The following ZNF420 variants were observed in gnomAD, a reference collection of about 807,000 sequenced individuals.
ZNF420 encodes the protein ATM and p53-associated KZNF protein.
ZNF420 carries 31 observed loss-of-function variants against 44.7 expected under a neutral mutation model. The observed-to-expected ratio is 0.69, with a 90% CI of 0.52 to 0.94. ZNF420 has a LOEUF of 0.94. Ranked by LOEUF, ZNF420 falls within the 40% of genes least tolerant of loss-of-function variation. The pLI, the probability that ZNF420 is intolerant of heterozygous loss-of-function variation, is 0.00. For synonymous variants in ZNF420, 245 were observed against 267.4 expected, an observed-to-expected ratio of 0.92 and a Z score of 0.82; for missense variants, 681 against 827.9, an observed-to-expected ratio of 0.82 and a Z score of 2.18.
intron 4 of ZNF420, among the ~76,000 whole-genome samples, chr19:37,123,752 G>A (rs2145322720): frequency 6.6e-6 from 1 of 150,996 alleles, no homozygotes; most frequent in Admixed American, 6.6e-5. Context: ...ACAGGCGTGT[G>A]CCACCATGCC....
At chr19:37,010,050 A>G (rs703531) in intron 1 of ZNF420, among the ~76,000 whole-genome samples, 85,199 of 152,092 alleles carry the variant, frequency 0.56, 25,416 homozygotes, top group African/African-American at 0.76. Context: ...GGAGCAGAGC[A>G]CGAGTCGGCC....
At chr19:37,089,639 C>T (rs1969023963) in intron 3 of ZNF420, among the ~76,000 whole-genome samples, 1 of 152,176 alleles carries the variant, frequency 6.6e-6, no homozygotes, top group Non-Finnish European at 1.5e-5. Context: ...TGAAATTCGA[C>T]ATTATGTGCT....
At chr19:37,022,033 G>A (rs1011001139) in intron 1 of ZNF420, among the ~76,000 whole-genome samples, 3 of 150,790 alleles carry the variant, frequency 2.0e-5, no homozygotes, top group Admixed American at 6.6e-5. Flanking sequence ...TTCAATTTTG[G>A]AATAGGAAAT....
chr19:37,049,235 A>G (rs1362892462), intron 1 of ZNF420, among the ~76,000 whole-genome samples: 1 of 152,164 alleles, frequency 6.6e-6, no homozygotes, highest in Admixed American at 6.6e-5. Flanking sequence ...TATACCCAGT[A>G]ATGGGATTGC....
At chr19:37,079,263 A>G (rs1005980105) in intron 1 of ZNF420, among the ~76,000 whole-genome samples, 11 of 152,290 alleles carry the variant, frequency 7.2e-5, no homozygotes, top group Admixed American at 7.2e-4. Context: ...AACTGTGGAA[A>G]TGTGATTATG....
At chr19:37,050,281 CATTGA>C (rs1221271143) in intron 1 of ZNF420, among the ~76,000 whole-genome samples, 1 of 152,140 alleles carries the variant, frequency 6.6e-6, no homozygotes, top group East Asian at 1.9e-4. Context: ...ATGGGGATGG[CATTGA>C]ATCTATAAAT....
intron 1 of ZNF420, among the ~76,000 whole-genome samples, chr19:37,036,637 GT>G (rs1431595364): frequency 1.3e-5 from 2 of 152,124 alleles, no homozygotes; most frequent in African/African-American, 4.8e-5. Flanking sequence ...ATAACCCTTG[GT>G]TTTTAAAGAT....
At chr19:37,091,630 T>C (rs1325839776) in intron 4 of ZNF420, 2 of 152,100 alleles carry the variant, frequency 1.3e-5, no homozygotes, top group African/African-American at 4.8e-5. Context: ...GAATATTACA[T>C]ATTAAGAACT....
At chr19:37,119,746 A>G (rs1970916084) in intron 4 of ZNF420, among the ~76,000 whole-genome samples, 1 of 152,194 alleles carries the variant, frequency 6.6e-6, no homozygotes, top group Admixed American at 6.5e-5. Flanking sequence ...TAAAGAAGAA[A>G]AGAGAGAAGA....
chr19:37,044,715 A>C (rs1967514254), intron 1 of ZNF420, among the ~76,000 whole-genome samples: 1 of 152,084 alleles, frequency 6.6e-6, no homozygotes, highest in Non-Finnish European at 1.5e-5. Flanking sequence ...AAAATACAAA[A>C]GATTAGCCGG....
intron 1 of ZNF420, among the ~76,000 whole-genome samples, chr19:37,058,839 C>G (rs369917162): frequency 2.0e-5 from 3 of 152,202 alleles, no homozygotes; most frequent in African/African-American, 7.2e-5. Flanking sequence ...CGGACTCGCC[C>G]TATCCCTGTT....
Position 37,104,950 on chromosome 19 carries a change from C to T in ZNF420, c.136+13829C>T, listed in dbSNP as rs145268720. Among the ~76,000 whole-genome samples the T allele has an allele frequency of 8.7e-3, 1,327 of 152,240 alleles. 23 individuals are homozygous for T. Among genetic ancestry groups the T allele is most frequent in the African/African-American group, 0.031 (1,280 of 41,522 alleles). On this transcript the variant is annotated intron_variant, in intron 4 of 4. Coordinates refer to ENST00000337995, the MANE Select transcript of ZNF420 (RefSeq NM_144689.5). ...ACATTTTCTCCCATTCTTTAGGTTG[C>T]CTGTTCACTCTGTTGGTAGTTTCTT... is the stretch of plus-strand genomic sequence containing the variant.
At chr19:37,063,943 T>G (rs921554596) in intron 1 of ZNF420, among the ~76,000 whole-genome samples, 2 of 152,244 alleles carry the variant, frequency 1.3e-5, no homozygotes, top group African/African-American at 2.4e-5. Context: ...CTGATACAGT[T>G]TCTCAGTCTT....
chr19:37,071,487 G>A lies in ZNF420; in HGVS notation c.-124-8858G>A, dbSNP rs1056240299. ...TAGAAATGGGAATAGATGTCTAGGA[G>A]TCTTCAAAGTTAGTAGTTAATATTT... On this transcript the variant is annotated intron_variant, in intron 1 of 4. Coordinates refer to the ZNF420 transcript ENST00000587029. Among the ~76,000 whole-genome samples the A allele has an allele frequency of 4.6e-5, 7 of 152,306 alleles. No homozygotes were observed. In the East Asian group the frequency reaches 1.2e-3, roughly 25 times the overall value.
chr19:37,077,441 G>A (rs1399997585), upstream of ZNF420, among the ~76,000 whole-genome samples: 2 of 152,138 alleles, frequency 1.3e-5, no homozygotes, highest in Non-Finnish European at 2.9e-5. Flanking sequence ...AGAGGAAAAG[G>A]CAGTTACCCT....
At chr19:37,053,412 G>A (rs959778395) in intron 1 of ZNF420, among the ~76,000 whole-genome samples, 18 of 152,188 alleles carry the variant, frequency 1.2e-4, no homozygotes, top group Non-Finnish European at 1.3e-4. Flanking sequence ...GAGGAACTGC[G>A]TTCCTTGGAG....
At chr19:37,122,602 T>G (rs1330041284) in intron 4 of ZNF420, among the ~76,000 whole-genome samples, 1 of 152,060 alleles carries the variant, frequency 6.6e-6, no homozygotes, top group East Asian at 1.9e-4. Context: ...ACCCTAAAAC[T>G]TAAAGTATAA....
intron 1 of ZNF420, among the ~76,000 whole-genome samples, chr19:37,021,765 C>G (rs1349980611): frequency 1.3e-5 from 2 of 150,822 alleles, no homozygotes; most frequent in African/African-American, 4.9e-5. Flanking sequence ...GGTGAAACCC[C>G]ATCTCTACTA....
chr19:37,096,960 G>A (rs148242378), intron 4 of ZNF420, among the ~76,000 whole-genome samples: 2,233 of 150,460 alleles, frequency 0.015, 22 homozygotes, highest in African/African-American at 0.028. Flanking sequence ...GTGCAGTGGC[G>A]TGATCTCGGC....
Sources: allele counts gnomAD v4.1 joint callset (sites outside exome capture counted in the v4.1 genomes callset), GRCh38; gene constraint gnomAD v4.1.1; transcripts MANE v1.5; gene names NCBI Gene and HGNC (gene_info 2026-07-23, HGNC 2026-07-21).